TBC1D5: variants seen among roughly 807,000 people sequenced by gnomAD.
TBC1D5 encodes the protein TBC1 domain family, member 5.
Under a neutral mutation model 100.3 loss-of-function variants are expected in TBC1D5, and 75 were observed. That is an observed-to-expected ratio of 0.75 (90% CI 0.62 to 0.91). The LOEUF is 0.91. Among genes scored for constraint, TBC1D5 ranks in the 40% least tolerant of loss-of-function variants. TBC1D5 has a pLI of 0.00. For missense variants in TBC1D5, 910 were observed against 942.4 expected, an observed-to-expected ratio of 0.97 and a Z score of 0.45; for synonymous variants, 323 against 325.6, an observed-to-expected ratio of 0.99 and a Z score of 0.09.
At chr3:17,577,451 T>C (rs1206508650) in intron 2 of TBC1D5, among the ~76,000 whole-genome samples, 3 of 152,032 alleles carry the variant, frequency 2.0e-5, no homozygotes, top group Non-Finnish European at 4.4e-5. Flanking sequence ...TTTTTAAATA[T>C]ATACTGTCTT....
chr3:17,297,449 G>A (rs1022330606), intron 14 of TBC1D5, among the ~76,000 whole-genome samples: 5 of 151,906 alleles, frequency 3.3e-5, no homozygotes, highest in Middle Eastern at 3.4e-3. Flanking sequence ...GGTGGTGGGC[G>A]CCTGTAATCC....
intron 13 of TBC1D5, among the ~76,000 whole-genome samples, chr3:17,348,717 A>C (rs1456899560): frequency 1.3e-5 from 2 of 152,156 alleles, no homozygotes; most frequent in African/African-American, 4.8e-5. Flanking sequence ...GCCGTTGTGG[A>C]GTATATGACC....
chr3:17,169,361 A>G (rs2066947151), intron 19 of TBC1D5, among the ~76,000 whole-genome samples: 1 of 152,256 alleles, frequency 6.6e-6, no homozygotes, highest in African/African-American at 2.4e-5. Context: ...ATATCAAAAC[A>G]CTACTATTCT....
chr3:17,704,050 T>C (rs1418653566), intron 1 of TBC1D5, among the ~76,000 whole-genome samples: 1 of 143,798 alleles, frequency 7.0e-6, no homozygotes, highest in African/African-American at 2.6e-5. Flanking sequence ...CTGGTTTTCC[T>C]AGGCAGAGGA....
chr3:17,513,943 T>C (rs2095947953), intron 2 of TBC1D5, among the ~76,000 whole-genome samples: 1 of 152,136 alleles, frequency 6.6e-6, no homozygotes, highest in Non-Finnish European at 1.5e-5. Context: ...ACATTTTTTA[T>C]TTAGAAATGT....
intron 3 of TBC1D5, among the ~76,000 whole-genome samples, chr3:17,431,499 T>C (rs2094447161): frequency 6.6e-6 from 1 of 151,988 alleles, no homozygotes; most frequent in Non-Finnish European, 1.5e-5. Flanking sequence ...GCATGAATTA[T>C]ATAAAATAAA....
intron 8 of TBC1D5, among the ~76,000 whole-genome samples, chr3:17,385,890 C>T (rs942718036): frequency 3.3e-5 from 5 of 151,926 alleles, no homozygotes; most frequent in Non-Finnish European, 7.4e-5. Context: ...GAAAAAGTAA[C>T]CTGAAGAGTA....
chr3:17,590,610 T>G (rs2096760577), intron 2 of TBC1D5, among the ~76,000 whole-genome samples: 1 of 152,170 alleles, frequency 6.6e-6, no homozygotes, highest in Non-Finnish European at 1.5e-5. Context: ...AAGAGCCCTA[T>G]AATTGCTCTT....
At chr3:17,594,616 T>A (rs1053282400) in intron 2 of TBC1D5, among the ~76,000 whole-genome samples, 1 of 152,246 alleles carries the variant, frequency 6.6e-6, no homozygotes, top group Non-Finnish European at 1.5e-5. Context: ...GAAAATACCT[T>A]CATTTCCTTT....
At chr3:17,663,971 A>T (rs2066948755) in intron 1 of TBC1D5, among the ~76,000 whole-genome samples, 1 of 152,242 alleles carries the variant, frequency 6.6e-6, no homozygotes, top group African/African-American at 2.4e-5. Flanking sequence ...ATAAAACACA[A>T]GTAATCCATT....
chr3:17,400,756 G>A (rs1297491092), intron 8 of TBC1D5, among the ~76,000 whole-genome samples: 2 of 152,042 alleles, frequency 1.3e-5, no homozygotes, highest in African/African-American at 4.8e-5. Context: ...AGAAGAAGGT[G>A]GAAAGAGCAG....
Position 17,466,218 on chromosome 3 carries a change from G to A in TBC1D5, c.98-37699C>T, listed in dbSNP as rs766978927. 2.0e-5 allele frequency among the ~76,000 whole-genome samples: 3 copies of A among 152,102 alleles called. No individual in the cohort carries two copies. The East Asian group carries it at 5.8e-4, about 29-fold the overall frequency. On this transcript the variant is annotated intron_variant, in intron 3 of 21. Coordinates refer to ENST00000253692, the Ensembl canonical transcript of TBC1D5. ...CAGTAAGAATATAAGTCAGTATTTTGGTATGTCATGATGAAATGCTACTGC... is the reference window on the plus strand; with the variant it reads ...CAGTAAGAATATAAGTCAGTATTTTAGTATGTCATGATGAAATGCTACTGC...
At chr3:17,381,766 G>A (rs1284621144) in intron 9 of TBC1D5, among the ~76,000 whole-genome samples, 1 of 151,148 alleles carries the variant, frequency 6.6e-6, no homozygotes, top group Non-Finnish European at 1.5e-5. Flanking sequence ...CCTAGTCTGA[G>A]ATTACAAAAA....
chr3:17,375,459 C>T (rs544822696), intron 10 of TBC1D5, among the ~76,000 whole-genome samples: 2 of 151,768 alleles, frequency 1.3e-5, no homozygotes, highest in South Asian at 2.1e-4. Flanking sequence ...CTCAGCTACT[C>T]GGGAGTCTGA....
At chr3:17,480,812 G>A (rs1268188348) in intron 3 of TBC1D5, among the ~76,000 whole-genome samples, 2 of 152,174 alleles carry the variant, frequency 1.3e-5, no homozygotes, top group Admixed American at 6.5e-5. Context: ...CAGGTCTCCC[G>A]AGAGCTGCCG....
intron 3 of TBC1D5, among the ~76,000 whole-genome samples, chr3:17,454,934 C>G (rs993776135): frequency 1.3e-5 from 2 of 151,284 alleles, no homozygotes; most frequent in African/African-American, 4.9e-5. Context: ...CTGAAGAGGA[C>G]AACAACAACA....
intron 8 of TBC1D5, among the ~76,000 whole-genome samples, chr3:17,391,015 T>C (rs988487902): frequency 2.6e-5 from 4 of 152,054 alleles, no homozygotes; most frequent in Non-Finnish European, 5.9e-5. Context: ...GAGGAAATTA[T>C]GTGGGACCAG....
At chr3:17,313,105 C>T (rs1046557349) in intron 13 of TBC1D5, among the ~76,000 whole-genome samples, 1 of 152,088 alleles carries the variant, frequency 6.6e-6, no homozygotes, top group Admixed American at 6.6e-5. Context: ...TGTATGAACA[C>T]GATGCACTCT....
intron 16 of TBC1D5, among the ~76,000 whole-genome samples, chr3:17,253,986 G>C (rs1462172869): frequency 6.6e-6 from 1 of 152,198 alleles, no homozygotes; most frequent in Non-Finnish European, 1.5e-5. Flanking sequence ...AGTACACGTG[G>C]ATTTGGCTAT....
Sources: allele counts gnomAD v4.1 joint callset (sites outside exome capture counted in the v4.1 genomes callset), GRCh38; gene constraint gnomAD v4.1.1; transcripts MANE v1.5; gene names NCBI Gene and HGNC (gene_info 2026-07-23, HGNC 2026-07-21).